The following TRPM6 variants were observed in gnomAD, a reference collection of about 807,000 sequenced individuals.
TRPM6 encodes channel kinase 2.
A neutral mutation model predicts 247.6 loss-of-function variants in TRPM6; 111 were observed. The ratio of observed to expected loss-of-function variants is 0.45; its 90% CI spans 0.38 to 0.52. The LOEUF (loss-of-function observed/expected upper bound fraction) is 0.52. TRPM6 is among the 20% of genes least tolerant of loss of function. The pLI, the probability that TRPM6 is intolerant of heterozygous loss-of-function variation, is 0.00. For synonymous variants in TRPM6, 892 were observed against 853.8 expected (o/e 1.04, Z -0.78); for missense variants, 2,126 against 2,421.5 (o/e 0.88, Z 2.56).
Position 74,834,091 on chromosome 9 carries a change from T to C in TRPM6, c.576A>G (p.Lys192=). The part of the protein sequence containing the change: ...GVSKHVGDAL[K]SHSSHSLRKI... ...TTCTCAAGGAATGAGAGGAATGGGA[T>C]TTCAAGGCATCCCCAACATGCTTGG... The change falls in exon 6 of 39, where the codon AAA becomes AAG. Residue 192 remains lysine (K), a synonymous_variant. Coordinates refer to ENST00000360774, the MANE Select transcript of TRPM6 (RefSeq NM_017662.5). 1 of 1,614,118 alleles carries C rather than the reference T, an allele frequency of 6.2e-7. No individual in the cohort carries two copies. The highest frequency in any genetic ancestry group is 8.5e-7 in the Non-Finnish European group (1 of 1,179,972).
chr9:74,747,149 T>C (rs1313302203), intron 31 of TRPM6, among the ~76,000 whole-genome samples: 2 of 152,216 alleles, frequency 1.3e-5, no homozygotes, highest in African/African-American at 4.8e-5. Context: ...GCACACCCCA[T>C]GGGCTAAAGA....
At chr9:74,833,037 C>T (rs57223418) in intron 6 of TRPM6, among the ~76,000 whole-genome samples, 23,139 of 149,820 alleles carry the variant, frequency 0.15, 2,222 homozygotes, top group East Asian at 0.27. Context: ...GGCAAGAGAG[C>T]GAGACTCCGT....
chr9:74,863,628 C>G (rs1335782402), intron 1 of TRPM6, among the ~76,000 whole-genome samples: 2 of 152,156 alleles, frequency 1.3e-5, no homozygotes, highest in Non-Finnish European at 2.9e-5. Context: ...GTCTCCCAGG[C>G]TGGAGTGCAA....
intron 21 of TRPM6, among the ~76,000 whole-genome samples, chr9:74,785,097 A>G (rs1010585376): frequency 6.6e-6 from 1 of 152,138 alleles, no homozygotes; most frequent in African/African-American, 2.4e-5. Context: ...ACAGAGCAAG[A>G]CCCTGTCTCA....
intron 17 of TRPM6, among the ~76,000 whole-genome samples, chr9:74,798,409 C>T (rs992294411): frequency 2.0e-5 from 3 of 152,088 alleles, no homozygotes; most frequent in South Asian, 2.1e-4. Context: ...ACCCAAAATA[C>T]GTGCAATCTT....
chr9:74,813,577 G>C (rs1224816394), intron 11 of TRPM6, among the ~76,000 whole-genome samples: 1 of 152,092 alleles, frequency 6.6e-6, no homozygotes, highest in African/African-American at 2.4e-5. Context: ...GTATCTGGGG[G>C]CCCCTGAACT....
chr9:74,781,216 T>C (rs148444244), intron 23 of TRPM6, among the ~76,000 whole-genome samples: 36 of 151,626 alleles, frequency 2.4e-4, no homozygotes, highest in African/African-American at 6.8e-4. Context: ...GAAAAGAAGA[T>C]TGAGAAGTAG....
At chr9:74,821,116 T>C (rs1829116042) in intron 8 of TRPM6, among the ~76,000 whole-genome samples, 1 of 152,218 alleles carries the variant, frequency 6.6e-6, no homozygotes, top group Non-Finnish European at 1.5e-5. Context: ...GGCACTGTAC[T>C]TATTTATACA....
chr9:74,824,511 G>GAAAAAAAAAA (rs59044061), intron 7 of TRPM6, among the ~76,000 whole-genome samples: 1 of 46,966 alleles, frequency 2.1e-5, no homozygotes, highest in Non-Finnish European at 5.7e-5. Flanking sequence ...GGCTTTTTCT[G>GAAAAAAAAAA]AAAAAAAAAA....
chr9:74,887,799 C>T (rs200242344), intron 1 of TRPM6, 25 bp downstream of exon 1: 6 of 1,614,156 alleles, frequency 3.7e-6, no homozygotes, highest in Non-Finnish European at 5.1e-6. Flanking sequence ...CCTTGTTCCC[C>T]GCCAGTCGAG....
In TRPM6 at chr9:74,801,979, A is replaced by G. The variant is rs1564021541; in HGVS notation, c.1928T>C (p.Ile643Thr). ...EATVKAVIACILYRAMAHEAK... is the reference protein window; with the variant it reads ...EATVKAVIACTLYRAMAHEAK... ...TTCATGGGCCATTGCCCGGTAGAGG[A>G]TACACGCAATCACGGCTTTAACCGT... The change falls in exon 16 of 39, where the codon ATC becomes ACC. Residue 643 changes from isoleucine (I) to threonine (T), a missense_variant. Coordinates refer to ENST00000360774, the MANE Select transcript of TRPM6 (RefSeq NM_017662.5). 1 of 1,614,218 alleles carries G rather than the reference A, an allele frequency of 6.2e-7. No individual in the cohort carries two copies. The highest frequency in any genetic ancestry group is 2.2e-5 in the East Asian group (1 of 44,886).
At chr9:74,874,376 C>T (rs918793907) in intron 1 of TRPM6, among the ~76,000 whole-genome samples, 5 of 152,112 alleles carry the variant, frequency 3.3e-5, no homozygotes, top group African/African-American at 1.2e-4. Flanking sequence ...GCTGAAATTT[C>T]CCAACTTCTC....
At chr9:74,887,536 C>T in intron 1 of TRPM6, 1 of 1,322,478 alleles carries the variant, frequency 7.6e-7, no homozygotes, top group Non-Finnish European at 1.0e-6. Flanking sequence ...CCCCGACCCC[C>T]GCTAGGTTTC....
chr9:74,735,408 C>T (rs1395845535), intron 36 of TRPM6, among the ~76,000 whole-genome samples: 1 of 152,052 alleles, frequency 6.6e-6, no homozygotes, highest in Non-Finnish European at 1.5e-5. Context: ...TCCCAACCAT[C>T]ATTGAGTACA....
chr9:74,746,746 T>C (rs1461856578), intron 31 of TRPM6, among the ~76,000 whole-genome samples: 3 of 150,370 alleles, frequency 2.0e-5, no homozygotes, highest in Non-Finnish European at 4.4e-5. Context: ...AACGAAAGCA[T>C]ACACTTCTGT....
At chr9:74,769,742 G>C (rs965118436) in intron 25 of TRPM6, among the ~76,000 whole-genome samples, 4 of 138,662 alleles carry the variant, frequency 2.9e-5, no homozygotes, top group Non-Finnish European at 6.0e-5. Context: ...TGGTGACAGA[G>C]TGAGACTCCG....
chr9:74,780,464 A>G (rs1022512444), intron 23 of TRPM6, among the ~76,000 whole-genome samples: 2 of 152,146 alleles, frequency 1.3e-5, no homozygotes, highest in Non-Finnish European at 2.9e-5. Flanking sequence ...CAAAAAAAAA[A>G]AAACGAAGTG....
chr9:74,820,227 A>T (rs1587542381), intron 9 of TRPM6, 77 bp downstream of exon 9: 1 of 1,516,166 alleles, frequency 6.6e-7, no homozygotes, highest in East Asian at 2.3e-5. Context: ...TTTTTTTTTA[A>T]TTGTGAAAAT....
At chr9:74,738,654 A>G (rs756798073) in intron 35 of TRPM6, 42 bp from the exon 36 acceptor site, 9 of 1,562,502 alleles carry the variant, frequency 5.8e-6, no homozygotes, top group South Asian at 5.6e-5. Context: ...ACAATACAGC[A>G]AAAGTGGGAC....
Sources: gnomAD v4.1 joint callset for allele counts (sites outside exome capture counted in the v4.1 genomes callset) on GRCh38, gnomAD v4.1.1 for gene constraint, MANE v1.5 for transcripts, NCBI Gene and HGNC (gene_info 2026-07-23, HGNC 2026-07-21) for gene names.